The following LIMS1 variants were observed in gnomAD, a reference collection of about 807,000 sequenced individuals.
The protein encoded by LIMS1 is LIM zinc finger domain containing 1, also known as LIM and senescent cell antigen-like-containing domain protein 1.
A neutral mutation model predicts 44.1 loss-of-function variants in LIMS1; 18 were observed. The observed-to-expected ratio is 0.41, with a 90% CI of 0.28 to 0.61. The LOEUF (loss-of-function observed/expected upper bound fraction) is 0.61. LIMS1 is among the 20% of genes least tolerant of loss of function. LIMS1 has a pLI of 0.32. For missense variants in LIMS1, 201 were observed against 422.0 expected (o/e 0.48, Z 4.59); for synonymous variants, 93 against 149.1 (o/e 0.62, Z 2.74).
intron 1 of LIMS1, among the ~76,000 whole-genome samples, chr2:108,548,240 G>A (rs1684554489): frequency 1.3e-5 from 2 of 152,060 alleles, no homozygotes; most frequent in Non-Finnish European, 2.9e-5. Flanking sequence ...TAACTTTGAG[G>A]TGGGTGTAAG....
rs377234941 is a variant in LIMS1, at chr2:108,672,377, G to A, written c.312G>A (p.Pro104=). Residue 104 remains proline (P), a synonymous_variant, in exon 4 of 10, where the codon CCG becomes CCA. Transcript: ENST00000544547. ...AAGCCATGAATAACAGCTGGCATCC[G>A]GAGTGCTTCCGCTGTGACCTCTGCC... is the stretch of plus-strand genomic sequence containing the variant. 3.5e-4 allele frequency: 450 copies of A among 1,278,668 alleles called. 1 individual carries two copies. The African/African-American group carries it at 6.5e-3, about 18-fold the overall frequency. The allele number at this position is 1,278,668 out of a possible 1,614,324, so 79.2% of individuals were successfully genotyped here. A position where few individuals can be genotyped will look rare whatever the true frequency, so the allele number is the denominator to read the frequency against.
intron 1 of LIMS1, among the ~76,000 whole-genome samples, chr2:108,623,697 G>GATTTTGAAAAGA: frequency 6.6e-6 from 1 of 152,180 alleles, no homozygotes; most frequent in Non-Finnish European, 1.5e-5. Context: ...TTGAATACCT[G>GATTTTGAAAAGA]TGCTATCAAA....
chr2:108,603,833 T>G (rs1479672289), intron 1 of LIMS1, among the ~76,000 whole-genome samples: 1 of 152,186 alleles, frequency 6.6e-6, no homozygotes, highest in Admixed American at 6.5e-5. Context: ...TTAAAAAAAC[T>G]TTTTATTGAA....
intron 1 of LIMS1, among the ~76,000 whole-genome samples, chr2:108,614,087 G>A (rs2148858103): frequency 6.6e-6 from 1 of 152,286 alleles, no homozygotes; most frequent in South Asian, 2.1e-4. Context: ...AGCTGGGTTG[G>A]GGGCACACCA....
chr2:108,597,511 A>C (rs559529795), intron 1 of LIMS1, among the ~76,000 whole-genome samples: 1 of 152,254 alleles, frequency 6.6e-6, no homozygotes, highest in Admixed American at 6.5e-5. Flanking sequence ...AGCATACAAC[A>C]TCAAGTTCTT....
intron 1 of LIMS1, among the ~76,000 whole-genome samples, chr2:108,597,953 A>C (rs370801171): frequency 1.6e-4 from 25 of 152,128 alleles, no homozygotes; most frequent in Non-Finnish European, 2.6e-4. Flanking sequence ...CAGCCTCCCA[A>C]AGTGGTGGGA....
At chr2:108,627,546 A>G (rs1022607019) in intron 1 of LIMS1, among the ~76,000 whole-genome samples, 7 of 152,182 alleles carry the variant, frequency 4.6e-5, no homozygotes, top group Admixed American at 2.6e-4. Context: ...CAAAATTTCA[A>G]TAATTTGGTT....
chr2:108,568,532 T>C (rs1285341270), intron 1 of LIMS1, among the ~76,000 whole-genome samples: 1 of 152,258 alleles, frequency 6.6e-6, no homozygotes, highest in African/African-American at 2.4e-5. Flanking sequence ...TAGATTGTTC[T>C]GGATATTTAC....
At chr2:108,553,610 T>C (rs6747255) in intron 1 of LIMS1, among the ~76,000 whole-genome samples, 57,669 of 152,054 alleles carry the variant, frequency 0.38, 12,607 homozygotes, top group East Asian at 0.89. Context: ...GCTTGGAAGG[T>C]AAATCCCTTG....
intron 1 of LIMS1, among the ~76,000 whole-genome samples, chr2:108,647,137 C>T (rs1222798653): frequency 1.3e-5 from 2 of 152,112 alleles, no homozygotes; most frequent in Non-Finnish European, 2.9e-5. Context: ...GGGGATATCA[C>T]CACTGATCCC....
intron 1 of LIMS1, among the ~76,000 whole-genome samples, chr2:108,604,197 C>G (rs75784098): frequency 6.6e-6 from 1 of 151,574 alleles, no homozygotes; most frequent in African/African-American, 2.4e-5. Flanking sequence ...TTTTTTACAG[C>G]GTGTGAGCTA....
chr2:108,549,753 C>T (rs1011723370), intron 1 of LIMS1, among the ~76,000 whole-genome samples: 5 of 151,858 alleles, frequency 3.3e-5, no homozygotes, highest in Admixed American at 2.0e-4. Flanking sequence ...TTATGAAGTT[C>T]GTTGAGAGGA....
At chr2:108,545,693 A>G (rs1008416935) in intron 1 of LIMS1, among the ~76,000 whole-genome samples, 2 of 152,220 alleles carry the variant, frequency 1.3e-5, no homozygotes, top group African/African-American at 4.8e-5. Context: ...TTAAGGGCTC[A>G]TAGCTGGAGG....
intron 1 of LIMS1, among the ~76,000 whole-genome samples, chr2:108,575,699 C>T (rs1398145419): frequency 6.6e-6 from 1 of 152,052 alleles, no homozygotes; most frequent in East Asian, 1.9e-4. Context: ...TTTTAGGCAT[C>T]GTTTATTTTT....
rs1412535889 is a variant in LIMS1 at position 108,581,937 on chromosome 2, C to CAA, written c.32+47356_32+47357dup. ...GGGCAACAAGAGTGAAACTCCATCT[C>CAA]AAAAAAAAAAAAAACAAACAAAAAA... On this transcript the variant is annotated intron_variant, in intron 1 of 9. Transcript: ENST00000544547. Among the ~76,000 whole-genome samples the CAA allele has an allele frequency of 1.1e-4, 11 of 103,402 alleles. 1 individual carries two copies. The highest frequency in any genetic ancestry group is 4.1e-4 in the Admixed American group (4 of 9,852). 67.8% of individuals were successfully genotyped at this position (103,402 alleles called of 152,430 possible).
intron 1 of LIMS1, among the ~76,000 whole-genome samples, chr2:108,608,494 C>T (rs1244508986): frequency 2.0e-5 from 3 of 152,006 alleles, no homozygotes; most frequent in Admixed American, 6.6e-5. Context: ...TTAATAGAGA[C>T]GAGGTTTCAC....
chr2:108,595,377 A>G (rs1377402377), intron 1 of LIMS1, among the ~76,000 whole-genome samples: 2 of 152,190 alleles, frequency 1.3e-5, no homozygotes, highest in Non-Finnish European at 2.9e-5. Context: ...ACTACCTTAT[A>G]TGGGAATTCC....
intron 8 of LIMS1, among the ~76,000 whole-genome samples, chr2:108,678,880 C>T (rs1286808189): frequency 1.3e-5 from 2 of 152,176 alleles, no homozygotes; most frequent in Admixed American, 6.5e-5. Context: ...ACAGCAAGCT[C>T]ACCTAAACAA....
chr2:108,544,084 A>G (rs754307999), intron 1 of LIMS1, among the ~76,000 whole-genome samples: 5 of 152,170 alleles, frequency 3.3e-5, no homozygotes, highest in African/African-American at 4.8e-5. Flanking sequence ...TCTCTCTCAA[A>G]AAAAGTAAAA....
Sources: allele counts gnomAD v4.1 joint callset (sites outside exome capture counted in the v4.1 genomes callset), GRCh38; gene constraint gnomAD v4.1.1; transcripts MANE v1.5; gene names NCBI Gene and HGNC (gene_info 2026-07-23, HGNC 2026-07-21).